The following SYNPO2 variants were observed in gnomAD, a reference collection of about 807,000 sequenced individuals.
The protein encoded by SYNPO2 is synaptopodin-2.
SYNPO2 carries 56 observed loss-of-function variants against 85.0 expected under a neutral mutation model. The observed-to-expected ratio is 0.66, with a 90% CI of 0.53 to 0.82. SYNPO2 has a LOEUF of 0.82. SYNPO2 is among the 40% of genes least tolerant of loss of function. The pLI is 0.00. For missense variants in SYNPO2, 1,575 were observed against 1,534.2 expected, an observed-to-expected ratio of 1.03 and a Z score of -0.44; for synonymous variants, 602 against 591.1, an observed-to-expected ratio of 1.02 and a Z score of -0.27.
chr4:118,979,758 T>A (rs1029470438), intron 1 of SYNPO2, among the ~76,000 whole-genome samples: 2 of 152,218 alleles, frequency 1.3e-5, no homozygotes, highest in Non-Finnish European at 2.9e-5. Flanking sequence ...AACCAGGAAT[T>A]ATAGTCTGAG....
chr4:119,037,149 T>C, intron 4 of SYNPO2: 1 of 1,546,770 alleles, frequency 6.5e-7, no homozygotes, highest in Non-Finnish European at 8.7e-7. Context: ...CAAGATATCA[T>C]AAGGACCTAC....
chr4:119,005,367 C>T (rs1736995839), intron 1 of SYNPO2, among the ~76,000 whole-genome samples: 1 of 152,044 alleles, frequency 6.6e-6, no homozygotes, highest in Non-Finnish European at 1.5e-5. Flanking sequence ...TTAGGTCTAA[C>T]ATTATAGTCT....
intron 1 of SYNPO2, among the ~76,000 whole-genome samples, chr4:118,859,053 T>C (rs927657295): frequency 6.6e-6 from 1 of 152,178 alleles, no homozygotes; most frequent in African/African-American, 2.4e-5. Context: ...TCTTATAACA[T>C]GGACACATCC....
chr4:119,001,899 G>T (rs571811739), intron 1 of SYNPO2, among the ~76,000 whole-genome samples: 1 of 151,964 alleles, frequency 6.6e-6, no homozygotes, highest in Non-Finnish European at 1.5e-5. Flanking sequence ...GTGATTTCTT[G>T]ATTTTTCTCA....
At chr4:118,984,643 G>C (rs1412000698) in intron 1 of SYNPO2, among the ~76,000 whole-genome samples, 1 of 152,104 alleles carries the variant, frequency 6.6e-6, no homozygotes, top group South Asian at 2.1e-4. Flanking sequence ...CTTCCTTCCA[G>C]CTTCACCTCA....
chr4:119,030,853 C>G lies in SYNPO2; in HGVS notation c.2078C>G (p.Thr693Arg), dbSNP rs143309861. 2 of 1,614,142 alleles carry G rather than the reference C, an allele frequency of 1.2e-6. No homozygotes were observed. The highest frequency in any genetic ancestry group is 2.2e-5 in the South Asian group (2 of 91,066). The change falls in exon 4 of 5, where the codon ACA becomes AGA. Residue 693 changes from threonine (T) to arginine (R), a missense_variant. Thr to Arg is a moderately conservative substitution (Grantham distance 71). Coordinates refer to ENST00000307142, the MANE Select transcript of SYNPO2 (RefSeq NM_133477.3). ...ILQEAKRRST[T>R]KPMFTFKEPK... ...CAGGAGGCCAAAAGGAGAAGCACGA[C>G]AAAACCCATGTTTACTTTTAAAGAG...
chr4:118,857,573 AT>A (rs139869323), intron 1 of SYNPO2, among the ~76,000 whole-genome samples: 6,274 of 152,294 alleles, frequency 0.041, 199 homozygotes, highest in Non-Finnish European at 0.064. Flanking sequence ...ACAAGACAGA[AT>A]TTTTTTTAAA....
intron 1 of SYNPO2, among the ~76,000 whole-genome samples, chr4:118,974,832 G>A (rs761480422): frequency 2.6e-5 from 4 of 151,876 alleles, no homozygotes; most frequent in Non-Finnish European, 5.9e-5. Context: ...CTCCTTCCTG[G>A]GGTTATTACA....
intron 1 of SYNPO2, among the ~76,000 whole-genome samples, chr4:118,909,598 G>A (rs1560852431): frequency 6.6e-6 from 1 of 152,190 alleles, no homozygotes; most frequent in Non-Finnish European, 1.5e-5. Flanking sequence ...CTCATACATA[G>A]ACAGCTTTGA....
intron 1 of SYNPO2, among the ~76,000 whole-genome samples, chr4:118,906,133 G>C (rs1217031092): frequency 1.3e-5 from 2 of 152,044 alleles, no homozygotes; most frequent in African/African-American, 2.4e-5. Flanking sequence ...TTGAATAAAT[G>C]AATGAATGAC....
chr4:118,960,554 A>G (rs1735043323), intron 1 of SYNPO2, among the ~76,000 whole-genome samples: 1 of 152,138 alleles, frequency 6.6e-6, no homozygotes, highest in African/African-American at 2.4e-5. Context: ...TTCCATCTCT[A>G]GGGGACTCAT....
chr4:119,022,132 G>T (rs1324750037), intron 1 of SYNPO2, among the ~76,000 whole-genome samples: 11 of 152,088 alleles, frequency 7.2e-5, no homozygotes, highest in Admixed American at 4.6e-4. Context: ...GCTCCCTGGT[G>T]CCCCACTATA....
intron 1 of SYNPO2, among the ~76,000 whole-genome samples, chr4:118,983,737 C>T (rs1736116355): frequency 6.6e-6 from 1 of 152,034 alleles, no homozygotes; most frequent in Admixed American, 6.5e-5. Context: ...ACTTTAACTA[C>T]CACCTCTTTG....
chr4:118,890,237 A>G (rs1268240085), intron 1 of SYNPO2, among the ~76,000 whole-genome samples: 1 of 150,876 alleles, frequency 6.6e-6, no homozygotes, highest in African/African-American at 2.4e-5. Flanking sequence ...TCCAGGCATC[A>G]TATGTAAATC....
intron 1 of SYNPO2, among the ~76,000 whole-genome samples, chr4:118,893,423 T>C (rs961030135): frequency 1.3e-5 from 2 of 152,200 alleles, no homozygotes; most frequent in Non-Finnish European, 2.9e-5. Context: ...TCTTCAAATG[T>C]TCCTCAAAAC....
intron 1 of SYNPO2, among the ~76,000 whole-genome samples, chr4:118,904,161 C>T (rs1037500841): frequency 6.6e-6 from 1 of 152,182 alleles, no homozygotes; most frequent in East Asian, 1.9e-4. Flanking sequence ...ATAGTCATAA[C>T]GCTCATTTCC....
At chr4:119,051,169 T>C (rs1739024648) in intron 4 of SYNPO2, among the ~76,000 whole-genome samples, 1 of 144,976 alleles carries the variant, frequency 6.9e-6, no homozygotes, top group Non-Finnish European at 1.5e-5. Context: ...ATCACTGGGG[T>C]AAAGCCATGG....
At chr4:119,016,609 T>C (rs1176519879) in intron 1 of SYNPO2, among the ~76,000 whole-genome samples, 4 of 152,234 alleles carry the variant, frequency 2.6e-5, no homozygotes, top group African/African-American at 9.6e-5. Context: ...AATCTGCCTG[T>C]AATTCAAAGA....
At chr4:118,996,525 A>G (rs1736600025) in intron 1 of SYNPO2, among the ~76,000 whole-genome samples, 2 of 152,194 alleles carry the variant, frequency 1.3e-5, no homozygotes, top group Admixed American at 1.3e-4. Context: ...TCAAGGAGAG[A>G]GATACACTTT....
Sources: allele counts gnomAD v4.1 joint callset (sites outside exome capture counted in the v4.1 genomes callset), GRCh38; gene constraint gnomAD v4.1.1; transcripts MANE v1.5; gene names NCBI Gene and HGNC (gene_info 2026-07-23, HGNC 2026-07-21).